UBASH3B: variants seen among roughly 807,000 people sequenced by gnomAD.
The protein encoded by UBASH3B is ubiquitin associated and SH3 domain containing B.
In UBASH3B, 37 loss-of-function variants were observed where a neutral mutation model predicts 83.4. The observed-to-expected ratio is 0.44, with a 90% CI of 0.34 to 0.58. The LOEUF (loss-of-function observed/expected upper bound fraction) is 0.58. Ranked by LOEUF, UBASH3B falls within the 20% of genes least tolerant of loss-of-function variation. The probability of loss-of-function intolerance (pLI) is 0.01; values close to 1 mark genes in which losing one functional copy is unlikely to be tolerated. For missense variants in UBASH3B, 657 were observed against 827.2 expected, an observed-to-expected ratio of 0.79 and a Z score of 2.52; for synonymous variants, 304 against 318.3, an observed-to-expected ratio of 0.96 and a Z score of 0.48.
intron 1 of UBASH3B, among the ~76,000 whole-genome samples, chr11:122,677,882 C>T (rs535708625): frequency 1.6e-4 from 24 of 152,306 alleles, no homozygotes; most frequent in African/African-American, 3.1e-4. Flanking sequence ...AGCAATTCTC[C>T]GGCCTCAGCC....
At chr11:122,749,723 TTTTATTTTATTTTA>T (rs1474343296) in intron 1 of UBASH3B, among the ~76,000 whole-genome samples, 1 of 152,138 alleles carries the variant, frequency 6.6e-6, no homozygotes, top group Non-Finnish European at 1.5e-5. Flanking sequence ...AATCATTCTA[TTTTATTTTATTTTA>T]TTTATTTTAT....
At chr11:122,809,519 T>G (rs1399935799) in intron 13 of UBASH3B, among the ~76,000 whole-genome samples, 1 of 152,202 alleles carries the variant, frequency 6.6e-6, no homozygotes, top group Non-Finnish European at 1.5e-5. Context: ...GGTCACCATT[T>G]AATGGATCCT....
chr11:122,781,181 C>T (rs760799687), intron 4 of UBASH3B, among the ~76,000 whole-genome samples: 10 of 152,032 alleles, frequency 6.6e-5, no homozygotes, highest in East Asian at 1.9e-4. Context: ...CCACCCCCAC[C>T]TCTTCCTCTC....
Position 122,806,401 on chromosome 11 carries a change from C to G in UBASH3B, c.1596-9C>G. 5 of 1,590,648 alleles carry G rather than the reference C, an allele frequency of 3.1e-6. No individual in the cohort carries two copies. The highest frequency in any genetic ancestry group is 4.3e-6 in the Non-Finnish European group (5 of 1,171,692). ...GTTTTCATTTCCTTTGTTCATTTTT[C>G]TATTACAGACCTCACATTCCAATCA... On this transcript the variant is annotated splice_polypyrimidine_tract_variant and intron_variant, in intron 11 of 13. Coordinates refer to ENST00000284273, the MANE Select transcript of UBASH3B (RefSeq NM_032873.5). This position sits in a 1 kb window ranked among gnomAD's most constrained non-coding sequence, Gnocchi z 4.0.
intron 1 of UBASH3B, among the ~76,000 whole-genome samples, chr11:122,764,874 C>G (rs1268365959): frequency 6.6e-6 from 1 of 152,178 alleles, no homozygotes; most frequent in Admixed American, 6.5e-5. Context: ...CTGGAACCAG[C>G]CTAAGCCAAC....
intron 7 of UBASH3B, among the ~76,000 whole-genome samples, chr11:122,795,230 G>A (rs1169292020): frequency 6.6e-6 from 1 of 152,186 alleles, no homozygotes; most frequent in African/African-American, 2.4e-5. Context: ...TTTCAAGGAA[G>A]GTTGGAGATG....
At chr11:122,696,743 A>C (rs1165964080) in intron 1 of UBASH3B, among the ~76,000 whole-genome samples, 3 of 152,238 alleles carry the variant, frequency 2.0e-5, no homozygotes, top group Non-Finnish European at 4.4e-5. Flanking sequence ...GCAGAATTGC[A>C]GGTGGCTAAT....
At chr11:122,658,178 GAA>G (rs1254190970) in intron 1 of UBASH3B, among the ~76,000 whole-genome samples, 1 of 111,310 alleles carries the variant, frequency 9.0e-6, no homozygotes, top group African/African-American at 3.4e-5. Context: ...TTCATCTCAA[GAA>G]AAAAAAAAAA....
chr11:122,754,008 A>T (rs1315160301), intron 1 of UBASH3B, among the ~76,000 whole-genome samples: 15 of 151,982 alleles, frequency 9.9e-5, no homozygotes, highest in Admixed American at 9.2e-4. Context: ...TCATATCTGC[A>T]CTCTCTGACA....
At chr11:122,792,913 G>C (rs540608296) in intron 6 of UBASH3B, among the ~76,000 whole-genome samples, 1 of 151,586 alleles carries the variant, frequency 6.6e-6, no homozygotes, top group Admixed American at 6.6e-5. Flanking sequence ...TATGCACAAG[G>C]GTTCAAAATC....
intron 1 of UBASH3B, among the ~76,000 whole-genome samples, chr11:122,695,492 A>G (rs1423618279): frequency 6.6e-6 from 1 of 151,648 alleles, no homozygotes; most frequent in Non-Finnish European, 1.5e-5. Context: ...TAACGCTTCA[A>G]CCCCTTCTGG....
intron 2 of UBASH3B, 112 bp downstream of exon 2, chr11:122,776,384 A>G (rs1860735097): frequency 1.0e-6 from 1 of 987,844 alleles, no homozygotes; most frequent in African/African-American, 1.6e-5. Context: ...AAGAGACAGG[A>G]GCCAAAAGAC....
At chr11:122,671,301 A>G (rs993832137) in intron 1 of UBASH3B, among the ~76,000 whole-genome samples, 13 of 152,128 alleles carry the variant, frequency 8.5e-5, no homozygotes, top group East Asian at 2.0e-4. Context: ...TGAGGCAGGC[A>G]GATTGCTTAA....
Position 122,743,012 on chromosome 11 carries a change from T to C in UBASH3B, c.162-33207T>C, listed in dbSNP as rs112296215. 2.5e-3 allele frequency among the ~76,000 whole-genome samples: 386 copies of C among 152,280 alleles called. 1 individual carries two copies. The highest frequency in any genetic ancestry group is 8.9e-3 in the African/African-American group (371 of 41,566). ...CCTCCATGGCCCACCTGGCCCTGGG[T>C]GCCCCCTCCCTGTGGCAGCTCTCTG... On this transcript the variant is annotated intron_variant, in intron 1 of 13. Coordinates refer to ENST00000284273, the MANE Select transcript of UBASH3B (RefSeq NM_032873.5).
intron 1 of UBASH3B, among the ~76,000 whole-genome samples, chr11:122,674,972 A>G (rs1863649173): frequency 6.6e-6 from 1 of 150,886 alleles, no homozygotes; most frequent in East Asian, 2.0e-4. Context: ...CTGGTGATCC[A>G]CCCACCTTCG....
At chr11:122,742,582 G>C (rs1308310472) in intron 1 of UBASH3B, among the ~76,000 whole-genome samples, 2 of 152,156 alleles carry the variant, frequency 1.3e-5, no homozygotes, top group Non-Finnish European at 2.9e-5. Context: ...ACATCACTAG[G>C]CCTTCTCTTA....
intron 1 of UBASH3B, among the ~76,000 whole-genome samples, chr11:122,697,916 C>T (rs893945055): frequency 6.6e-6 from 1 of 152,114 alleles, no homozygotes; most frequent in African/African-American, 2.4e-5. Context: ...AAACAGCCTC[C>T]GGAAACACAT....
chr11:122,780,166 C>T (rs1860825382), intron 4 of UBASH3B, among the ~76,000 whole-genome samples: 1 of 152,118 alleles, frequency 6.6e-6, no homozygotes, highest in South Asian at 2.1e-4. Context: ...CGTATTATAT[C>T]ACAATAAAAT....
rs915428713 is a variant in UBASH3B at position 122,758,618 on chromosome 11, C to G, written c.162-17601C>G. Among the ~76,000 whole-genome samples the G allele has an allele frequency of 6.6e-6, 1 of 152,274 alleles. No individual in the cohort carries two copies. Among genetic ancestry groups the G allele is most frequent in the African/African-American group, 2.4e-5 (1 of 41,554 alleles). ...CTAACAGCTGGTGTGAATCTCCTTT[C>G]GTTTACATATGTGGGGACTGAGATT... On this transcript the variant is annotated intron_variant, in intron 1 of 13. Coordinates refer to ENST00000284273, the MANE Select transcript of UBASH3B (RefSeq NM_032873.5). This position sits in a 1 kb window ranked among gnomAD's most constrained non-coding sequence, Gnocchi z 4.2.
Sources: gnomAD v4.1 joint callset for allele counts (sites outside exome capture counted in the v4.1 genomes callset) on GRCh38, gnomAD v4.1.1 for gene constraint, Gnocchi (gnomAD v3.1) non-coding constraint, MANE v1.5 for transcripts, NCBI Gene and HGNC (gene_info 2026-07-23, HGNC 2026-07-21) for gene names.